The following ESF1 variants were observed in gnomAD, a reference collection of about 807,000 sequenced individuals.
ESF1 encodes the protein ESF1 nucleolar pre-rRNA processing protein.
ESF1 carries 58 observed loss-of-function variants against 92.0 expected under a neutral mutation model. The observed-to-expected ratio is 0.63, with a 90% confidence interval of 0.51 to 0.78. The LOEUF (loss-of-function observed/expected upper bound fraction) is 0.78, where lower values mean the gene tolerates loss of function less well. Ranked by LOEUF, ESF1 falls within the 30% of genes least tolerant of loss-of-function variation. The probability of loss-of-function intolerance (pLI) is 0.00; values close to 1 mark genes in which losing one functional copy is unlikely to be tolerated. For missense variants in ESF1, 922 were observed against 989.1 expected, an observed-to-expected ratio of 0.93 and a Z score of 0.91; for synonymous variants, 321 against 313.7, an observed-to-expected ratio of 1.02 and a Z score of -0.24.
At chr20:13,753,961 G>A (rs1244294540) in intron 9 of ESF1, among the ~76,000 whole-genome samples, 7 of 152,134 alleles carry the variant, frequency 4.6e-5, no homozygotes, top group African/African-American at 1.7e-4. Flanking sequence ...CAATTCCCTT[G>A]GTGTGAAAGT....
intron 2 of ESF1, among the ~76,000 whole-genome samples, chr20:13,781,597 T>C (rs893991183): frequency 2.0e-5 from 3 of 152,304 alleles, no homozygotes; most frequent in Middle Eastern, 3.4e-3. Context: ...TGGAGGGGGC[T>C]GTGTCTGCTC....
rs77324418 is a variant in ESF1, at chr20:13,784,708, G to T, written c.-44+172C>A. On this transcript the variant is annotated intron_variant, in intron 1 of 13. Coordinates refer to ENST00000617257, the MANE Select transcript of ESF1 (RefSeq NM_001276380.2). Reference sequence around the variant, plus strand: ...TGATTCGAGAAGCGACCCTGAAAAGGATCGATGAAGACTGAAGAATGAGAC... The same window carrying T: ...TGATTCGAGAAGCGACCCTGAAAAGTATCGATGAAGACTGAAGAATGAGAC... 0.017 allele frequency: 4,632 copies of T among 266,086 alleles called. 61 individuals are homozygous for T. Among genetic ancestry groups the T allele is most frequent in the Non-Finnish European group, 0.024 (3,195 of 134,958 alleles). The allele number at this position is 266,086 out of a possible 1,614,324, so 16.5% of individuals were successfully genotyped here. A position where few individuals can be genotyped will look rare whatever the true frequency, so the allele number is the denominator to read the frequency against.
chr20:13,767,665 A>T (rs1161339563), intron 7 of ESF1, among the ~76,000 whole-genome samples: 1 of 152,182 alleles, frequency 6.6e-6, no homozygotes, highest in South Asian at 2.1e-4. Context: ...GGTCCATTTT[A>T]AAAAAAGATT....
At chr20:13,742,225 G>A (rs751006904) in intron 9 of ESF1, among the ~76,000 whole-genome samples, 41 of 151,994 alleles carry the variant, frequency 2.7e-4, no homozygotes, top group Non-Finnish European at 4.4e-4. Context: ...AAAATTAGCC[G>A]GGTGTGGTGG....
chr20:13,782,530 G>C lies in ESF1; in HGVS notation c.611C>G (p.Ser204Cys). The C allele has an allele frequency of 6.5e-7, 1 of 1,550,248 alleles. No individual in the cohort carries two copies. Among genetic ancestry groups the C allele is most frequent in the Non-Finnish European group, 8.6e-7 (1 of 1,159,278 alleles). ...EIVKSPRIECSKTRREMQSVV... is the reference protein window; with the variant it reads ...EIVKSPRIECCKTRREMQSVV... ...TGATTGCATTTCTCTTCTTGTCTTA[G>C]AACACTCGATTCTGGGAGATTTCAC... The change falls in exon 2 of 14, where the codon TCT (serine) becomes TGT (cysteine). Residue 204 changes from serine (S) to cysteine (C), a missense_variant. By Grantham distance (112) the Ser-to-Cys change is moderately radical (BLOSUM62 -1). Coordinates refer to ENST00000617257, the MANE Select transcript of ESF1 (RefSeq NM_001276380.2).
chr20:13,747,554 A>G, intron 9 of ESF1, among the ~76,000 whole-genome samples: 1 of 150,932 alleles, frequency 6.6e-6, no homozygotes. Flanking sequence ...AGATGGCACC[A>G]CTGCACTGCA....
intron 9 of ESF1, 143 bp from the exon 10 acceptor site, chr20:13,733,985 C>A: frequency 1.0e-6 from 1 of 984,106 alleles, no homozygotes; most frequent in Non-Finnish European, 1.4e-6. Flanking sequence ...ATCTGTAATA[C>A]CCCAATATCA....
intron 7 of ESF1, among the ~76,000 whole-genome samples, chr20:13,767,723 C>A (rs117615399): frequency 0.017 from 2,521 of 152,240 alleles, 20 homozygotes; most frequent in Non-Finnish European, 0.024. Context: ...GTAGTTTAAA[C>A]CTCCATGATA....
In ESF1 at chr20:13,759,678, T is replaced by C. The variant is rs769750212; in HGVS notation, c.1828+14A>G. ...AATTCGAAAAAGAGAAAACATTTAG[T>C]ATCTAATTCTTACCTGGAACCCATT... On this transcript the variant is annotated intron_variant, in intron 9 of 13. Coordinates refer to ENST00000617257, the MANE Select transcript of ESF1 (RefSeq NM_001276380.2). 2.3e-5 allele frequency: 36 copies of C among 1,569,524 alleles called. 1 individual carries two copies. In the South Asian group the frequency reaches 4.3e-4, roughly 19 times the overall value.
At chr20:13,740,582 G>A (rs576703528) in intron 9 of ESF1, among the ~76,000 whole-genome samples, 78 of 152,264 alleles carry the variant, frequency 5.1e-4, no homozygotes, top group African/African-American at 1.8e-3. Flanking sequence ...AGAAGATTGG[G>A]AAAATGTAAT....
At chr20:13,717,291 T>A (rs184802248) in intron 13 of ESF1, 77 bp downstream of exon 13, 3 of 1,544,268 alleles carry the variant, frequency 1.9e-6, no homozygotes, top group Non-Finnish European at 2.6e-6. Context: ...ACTTTGACTA[T>A]GCTCAATTTC....
chr20:13,740,725 G>A (rs892463721), intron 9 of ESF1, among the ~76,000 whole-genome samples: 1 of 152,152 alleles, frequency 6.6e-6, no homozygotes, highest in South Asian at 2.1e-4. Context: ...TGCAACTCTA[G>A]AACACCTAAA....
intron 11 of ESF1, among the ~76,000 whole-genome samples, chr20:13,727,807 T>A (rs2049911818): frequency 6.6e-6 from 1 of 152,186 alleles, no homozygotes; most frequent in African/African-American, 2.4e-5. Flanking sequence ...AAAGCTGGCT[T>A]TCTAGCTATA....
intron 2 of ESF1, among the ~76,000 whole-genome samples, chr20:13,779,921 G>A (rs937529451): frequency 1.3e-5 from 2 of 152,194 alleles, no homozygotes; most frequent in African/African-American, 4.8e-5. Flanking sequence ...TCTGAGGAGT[G>A]CAAGTGCTGG....
At chr20:13,753,580 G>A (rs550803622) in intron 9 of ESF1, among the ~76,000 whole-genome samples, 45 of 151,828 alleles carry the variant, frequency 3.0e-4, no homozygotes, top group Non-Finnish European at 5.7e-4. Context: ...CAATACTCCT[G>A]TCATAATTCT....
intron 8 of ESF1, among the ~76,000 whole-genome samples, 185 bp downstream of exon 8, chr20:13,766,592 A>C (rs1230267026): frequency 6.6e-6 from 1 of 152,206 alleles, no homozygotes; most frequent in African/African-American, 2.4e-5. Flanking sequence ...CAGGGTTTTA[A>C]ACAAAATATT....
intron 9 of ESF1, among the ~76,000 whole-genome samples, chr20:13,758,438 A>G (rs1978999829): frequency 6.6e-6 from 1 of 152,246 alleles, no homozygotes; most frequent in African/African-American, 2.4e-5. Context: ...CTGTAGGAAT[A>G]TGCAGCAGAC....
rs768891070 is a variant in ESF1 at position 13,759,794 on chromosome 20, C to T, written c.1726G>A (p.Glu576Lys). Residue 576 changes from glutamate (E) to lysine (K), a missense_variant, in exon 9 of 14, where the codon GAA (glutamate) becomes AAA (lysine). Transcript: ENST00000617257. ...TGCCTGTATTTAGCAATTTGTTCTT[C>T]ATCATCCTTCTGACTTTTCTTTGTT... Reference protein sequence around the residue: ...GKTKKSQKDDEEQIAKYRQLL... With the variant: ...GKTKKSQKDDKEQIAKYRQLL... The T allele has an allele frequency of 2.5e-5, 40 of 1,594,466 alleles. No individual in the cohort carries two copies. The highest frequency in any genetic ancestry group is 3.3e-5 in the Non-Finnish European group (39 of 1,174,726).
intron 9 of ESF1, among the ~76,000 whole-genome samples, chr20:13,758,929 T>C (rs1490324148): frequency 3.3e-5 from 5 of 152,212 alleles, no homozygotes; most frequent in Non-Finnish European, 5.9e-5. Context: ...CTATAGCTAG[T>C]ATGTTTTTTC....
Sources: gnomAD v4.1 joint callset for allele counts (sites outside exome capture counted in the v4.1 genomes callset) on GRCh38, gnomAD v4.1.1 for gene constraint, MANE v1.5 for transcripts, NCBI Gene and HGNC (gene_info 2026-07-23, HGNC 2026-07-21) for gene names.